Variants in PRKCB observed in about 807,000 individuals in gnomAD.
PRKCB encodes the protein protein kinase C beta type.
Under a neutral mutation model 81.5 loss-of-function variants are expected in PRKCB, and 13 were observed. That is an observed-to-expected ratio of 0.16 (90% CI 0.10 to 0.25). The LOEUF is 0.25. Among genes scored for constraint, PRKCB ranks in the 10% least tolerant of loss-of-function variants. The pLI, the probability that PRKCB is intolerant of heterozygous loss-of-function variation, is 1.00. For missense variants in PRKCB, 509 were observed against 875.7 expected, an observed-to-expected ratio of 0.58 and a Z score of 5.29; for synonymous variants, 335 against 321.4, an observed-to-expected ratio of 1.04 and a Z score of -0.45.
intron 9 of PRKCB, among the ~76,000 whole-genome samples, chr16:24,125,442 G>A (rs1966841668): frequency 1.3e-5 from 2 of 152,204 alleles, no homozygotes; most frequent in South Asian, 4.1e-4. Flanking sequence ...GAGGCTTTGT[G>A]ATTCAGCTCC....
At chr16:23,914,837 G>C (rs1567312481) in intron 2 of PRKCB, among the ~76,000 whole-genome samples, 1 of 152,182 alleles carries the variant, frequency 6.6e-6, no homozygotes, top group Non-Finnish European at 1.5e-5. Flanking sequence ...GACTGTACTG[G>C]TGATGTCCAC....
chr16:24,219,211 A>G lies in PRKCB; in HGVS notation c.*4395A>G, dbSNP rs1968280836. 4.1e-6 allele frequency: 4 copies of G among 984,060 alleles called. No individual in the cohort carries two copies. Among genetic ancestry groups the G allele is most frequent in the South Asian group, 4.7e-5 (1 of 21,276 alleles). The allele number at this position is 984,060 out of a possible 1,614,324, so 61.0% of individuals were successfully genotyped here. A position where few individuals can be genotyped will look rare whatever the true frequency, so the allele number is the denominator to read the frequency against. On this transcript the variant is annotated 3_prime_UTR_variant, in exon 17 of 17. Coordinates refer to ENST00000643927, the MANE Select transcript of PRKCB (RefSeq NM_002738.7). ...CCTACTGAACAAAAAAAGAAATGCC[A>G]GACTTACTAGGAGAATCGAGTTGCT...
chr16:23,913,936 C>T (rs1019149909), intron 2 of PRKCB, among the ~76,000 whole-genome samples: 3 of 152,124 alleles, frequency 2.0e-5, no homozygotes, highest in Admixed American at 6.6e-5. Flanking sequence ...CAGAGATGGC[C>T]CCCATTTTCC....
At chr16:23,902,659 A>T (rs965868392) in intron 2 of PRKCB, among the ~76,000 whole-genome samples, 2 of 152,010 alleles carry the variant, frequency 1.3e-5, no homozygotes, top group Admixed American at 6.6e-5. Context: ...CACAGTAATG[A>T]TGGTAACTGT....
At chr16:24,037,043 T>C (rs1175445678) in intron 5 of PRKCB, among the ~76,000 whole-genome samples, 1 of 152,158 alleles carries the variant, frequency 6.6e-6, no homozygotes, top group Non-Finnish European at 1.5e-5. Context: ...GGCTGGAGTG[T>C]GGTGGCGCCA....
intron 2 of PRKCB, among the ~76,000 whole-genome samples, chr16:23,866,530 C>T (rs1962793354): frequency 6.6e-6 from 1 of 151,686 alleles, no homozygotes; most frequent in African/African-American, 2.4e-5. Flanking sequence ...TTATAGAACT[C>T]TGTAGCATTC....
At chr16:23,906,723 T>C (rs1381230318) in intron 2 of PRKCB, among the ~76,000 whole-genome samples, 3 of 152,196 alleles carry the variant, frequency 2.0e-5, no homozygotes, top group South Asian at 2.1e-4. Flanking sequence ...CTTTATTTTT[T>C]ACCAGATGGC....
chr16:24,177,637 G>A (rs1854553663), intron 12 of PRKCB, among the ~76,000 whole-genome samples: 1 of 152,178 alleles, frequency 6.6e-6, no homozygotes, highest in Non-Finnish European at 1.5e-5. Context: ...AGTGACCATA[G>A]TAATTATCAG....
At chr16:23,875,890 G>A (rs1567298843) in intron 2 of PRKCB, among the ~76,000 whole-genome samples, 1 of 152,014 alleles carries the variant, frequency 6.6e-6, no homozygotes, top group Non-Finnish European at 1.5e-5. Context: ...TTTTGAAAAA[G>A]TGTCGTAACT....
chr16:24,207,304 T>C (rs1160317295), intron 16 of PRKCB, among the ~76,000 whole-genome samples: 1 of 152,224 alleles, frequency 6.6e-6, no homozygotes, highest in Admixed American at 6.5e-5. Flanking sequence ...AATTGCTGTC[T>C]CATTTAAAAT....
intron 2 of PRKCB, among the ~76,000 whole-genome samples, chr16:23,929,017 T>G (rs1437069390): frequency 6.6e-6 from 1 of 152,068 alleles, no homozygotes; most frequent in Non-Finnish European, 1.5e-5. Flanking sequence ...GCGCCAGGCC[T>G]GTATCCAGTG....
intron 2 of PRKCB, among the ~76,000 whole-genome samples, chr16:23,881,838 C>T (rs750082484): frequency 6.6e-6 from 1 of 151,810 alleles, no homozygotes; most frequent in Non-Finnish European, 1.5e-5. Flanking sequence ...TCTTCCTCCC[C>T]ACCGAGCCTC....
rs145247265 is a variant in PRKCB, at chr16:24,017,474, A to C, written c.289-14662A>C. ...AGAAACCATACAGGAAAAGGGAAAA[A>C]TTTGCACTTTATTAAACACGCAGGC... On this transcript the variant is annotated intron_variant, in intron 3 of 16. Transcript: ENST00000643927. Among the ~76,000 whole-genome samples the C allele has an allele frequency of 1.4e-3, 217 of 152,178 alleles. 2 individuals carry two copies. The highest frequency in any genetic ancestry group is 5.0e-3 in the African/African-American group (208 of 41,496).
intron 2 of PRKCB, among the ~76,000 whole-genome samples, chr16:23,957,611 T>C (rs1289161400): frequency 1.3e-5 from 2 of 152,234 alleles, no homozygotes; most frequent in East Asian, 3.9e-4. Flanking sequence ...AGTCTGAGTC[T>C]CTCGTCTGTT....
intron 9 of PRKCB, among the ~76,000 whole-genome samples, chr16:24,128,232 G>A (rs1352682719): frequency 1.4e-4 from 21 of 152,110 alleles, no homozygotes; most frequent in African/African-American, 3.6e-4. Flanking sequence ...AAAATTAGCC[G>A]GGCATGGTGG....
chr16:23,935,760 G>A (rs890577120), intron 2 of PRKCB, among the ~76,000 whole-genome samples: 19 of 152,242 alleles, frequency 1.2e-4, no homozygotes, highest in Non-Finnish European at 2.1e-4. Context: ...ATTATTTTAA[G>A]CAAATTAGAG....
chr16:24,112,780 A>G (rs1161201825), intron 7 of PRKCB, among the ~76,000 whole-genome samples, 193 bp from the exon 8 acceptor site: 1 of 152,150 alleles, frequency 6.6e-6, no homozygotes, highest in African/African-American at 2.4e-5. Context: ...AAAAATACAT[A>G]GTGTACCTGG....
intron 9 of PRKCB, among the ~76,000 whole-genome samples, chr16:24,146,493 G>A (rs555637742): frequency 6.8e-4 from 104 of 152,112 alleles, no homozygotes; most frequent in Admixed American, 1.9e-3. Flanking sequence ...ATTTCTCAAG[G>A]TCGTACAGCT....
At chr16:24,081,771 G>A (rs1966253054) in intron 5 of PRKCB, among the ~76,000 whole-genome samples, 1 of 151,974 alleles carries the variant, frequency 6.6e-6, no homozygotes, top group African/African-American at 2.4e-5. Context: ...CTACTTGGGA[G>A]TAGGCAGGAG....
Sources: gnomAD v4.1 joint callset for allele counts (sites outside exome capture counted in the v4.1 genomes callset) on GRCh38, gnomAD v4.1.1 for gene constraint, MANE v1.5 for transcripts, NCBI Gene and HGNC (gene_info 2026-07-23, HGNC 2026-07-21) for gene names.